The following STXBP5L variants were observed in gnomAD, a reference collection of about 807,000 sequenced individuals.
STXBP5L encodes the protein syntaxin binding protein 5L, also known as syntaxin-binding protein 5-like.
Under a neutral mutation model 144.5 loss-of-function variants are expected in STXBP5L, and 65 were observed. The ratio of observed to expected loss-of-function variants is 0.45; its 90% CI spans 0.37 to 0.55. The LOEUF (loss-of-function observed/expected upper bound fraction) is 0.55, where lower values mean the gene tolerates loss of function less well. STXBP5L is among the 20% of genes least tolerant of loss of function. The pLI is 0.00. For synonymous variants in STXBP5L, 505 were observed against 469.6 expected (o/e 1.08, Z -0.97); for missense variants, 1,298 against 1,405.5 (o/e 0.92, Z 1.22).
At chr3:121,397,253 G>T (rs1046653828) in intron 22 of STXBP5L, among the ~76,000 whole-genome samples, 1 of 152,168 alleles carries the variant, frequency 6.6e-6, no homozygotes, top group African/African-American at 2.4e-5. Context: ...CAATTTTTAG[G>T]AATTATAGCA....
chr3:120,952,693 T>G (rs1248732938), intron 2 of STXBP5L, among the ~76,000 whole-genome samples: 1 of 152,156 alleles, frequency 6.6e-6, no homozygotes, highest in African/African-American at 2.4e-5. Context: ...AATGTCATTT[T>G]TCTTCTTTTG....
At chr3:121,303,964 C>G (rs2043239931) in intron 19 of STXBP5L, among the ~76,000 whole-genome samples, 1 of 151,246 alleles carries the variant, frequency 6.6e-6, no homozygotes, top group Non-Finnish European at 1.5e-5. Context: ...ACAAACATGG[C>G]ACATGTATAC....
chr3:121,085,410 A>G (rs1010859000), intron 5 of STXBP5L, among the ~76,000 whole-genome samples: 5 of 152,140 alleles, frequency 3.3e-5, no homozygotes, highest in Non-Finnish European at 5.9e-5. Flanking sequence ...ATGATCCTAT[A>G]TCTAGAAAAC....
chr3:121,000,020 T>C (rs1350497777), intron 3 of STXBP5L, among the ~76,000 whole-genome samples: 1 of 152,152 alleles, frequency 6.6e-6, no homozygotes, highest in Non-Finnish European at 1.5e-5. Context: ...GACCTCCCCT[T>C]CTCTCTAGCT....
At chr3:121,333,181 A>AG (rs762848134) in intron 20 of STXBP5L, among the ~76,000 whole-genome samples, 3 of 152,190 alleles carry the variant, frequency 2.0e-5, no homozygotes, top group Non-Finnish European at 2.9e-5. Flanking sequence ...CATGGAGAAA[A>AG]TAAAGCATCT....
At chr3:121,376,395 G>C (rs1026692276) in intron 20 of STXBP5L, among the ~76,000 whole-genome samples, 1 of 152,136 alleles carries the variant, frequency 6.6e-6, no homozygotes, top group Non-Finnish European at 1.5e-5. Context: ...AATCCATCTG[G>C]AGTTAATTTT....
At chr3:121,164,254 A>G (rs921592574) in intron 9 of STXBP5L, among the ~76,000 whole-genome samples, 5 of 152,224 alleles carry the variant, frequency 3.3e-5, no homozygotes, top group East Asian at 1.9e-4. Flanking sequence ...AAGGTGCTCA[A>G]CATCATTTAT....
intron 3 of STXBP5L, among the ~76,000 whole-genome samples, chr3:121,039,962 A>AC (rs1237120673): frequency 1.3e-5 from 2 of 149,738 alleles, no homozygotes; most frequent in Non-Finnish European, 3.0e-5. Context: ...ATAGGTAGAT[A>AC]GATGGATGGA....
chr3:121,306,786 G>A (rs547882544), intron 19 of STXBP5L, among the ~76,000 whole-genome samples: 22 of 152,272 alleles, frequency 1.4e-4, no homozygotes, highest in African/African-American at 5.3e-4. Flanking sequence ...AAACCTCAAA[G>A]ACTAGCCTGA....
At chr3:120,975,578 A>T (rs944569743) in intron 3 of STXBP5L, among the ~76,000 whole-genome samples, 2 of 152,078 alleles carry the variant, frequency 1.3e-5, no homozygotes, top group Admixed American at 1.3e-4. Context: ...TTCCAACGCT[A>T]TGTTGAATAG....
intron 3 of STXBP5L, among the ~76,000 whole-genome samples, chr3:121,021,831 C>G (rs1342506989): frequency 6.6e-6 from 1 of 152,046 alleles, no homozygotes; most frequent in Admixed American, 6.6e-5. Flanking sequence ...CACAAATAGA[C>G]AATCTAAGGT....
chr3:121,195,759 A>G (rs566788852), intron 9 of STXBP5L, among the ~76,000 whole-genome samples: 11 of 152,320 alleles, frequency 7.2e-5, no homozygotes, highest in Admixed American at 3.3e-4. Flanking sequence ...GTTCCCATCA[A>G]CAATACCTGC....
chr3:120,999,144 C>T (rs1454583618), intron 3 of STXBP5L, among the ~76,000 whole-genome samples: 1 of 152,094 alleles, frequency 6.6e-6, no homozygotes, highest in Non-Finnish European at 1.5e-5. Context: ...CCTCTTCCTC[C>T]CGGGTTCAAG....
intron 7 of STXBP5L, among the ~76,000 whole-genome samples, chr3:121,124,382 A>G (rs2044609593): frequency 6.6e-6 from 1 of 152,020 alleles, no homozygotes; most frequent in African/African-American, 2.4e-5. Flanking sequence ...ATTCGAGTGT[A>G]TAACTTATAG....
intron 20 of STXBP5L, among the ~76,000 whole-genome samples, chr3:121,324,892 C>A: frequency 6.6e-6 from 1 of 151,868 alleles, no homozygotes; most frequent in East Asian, 1.9e-4. Flanking sequence ...AAGGGGGTCG[C>A]GGGTACGGTC....
At chr3:121,203,772 A>G (rs2048229149) in intron 9 of STXBP5L, among the ~76,000 whole-genome samples, 1 of 152,246 alleles carries the variant, frequency 6.6e-6, no homozygotes, top group African/African-American at 2.4e-5. Context: ...AACTGCAAAT[A>G]TACTGTTTTG....
intron 16 of STXBP5L, 22 bp from the exon 17 acceptor site, chr3:121,257,139 A>G: frequency 6.4e-7 from 1 of 1,554,938 alleles, no homozygotes; most frequent in South Asian, 1.2e-5. Context: ...CTTAAATTAA[A>G]TTTAAACTTG....
chr3:121,171,989 G>A (rs751580340), intron 9 of STXBP5L, among the ~76,000 whole-genome samples: 1 of 152,150 alleles, frequency 6.6e-6, no homozygotes, highest in Non-Finnish European at 1.5e-5. Context: ...GCATGGTAGT[G>A]GTACCAAAAC....
At chr3:121,093,571 T>C (rs1439612296) in intron 5 of STXBP5L, among the ~76,000 whole-genome samples, 2 of 152,264 alleles carry the variant, frequency 1.3e-5, no homozygotes, top group Non-Finnish European at 2.9e-5. Context: ...GAGCTGTTTG[T>C]AGTATTCGCT....
Sources: allele counts gnomAD v4.1 joint callset (sites outside exome capture counted in the v4.1 genomes callset), GRCh38; gene constraint gnomAD v4.1.1; transcripts MANE v1.5; gene names NCBI Gene and HGNC (gene_info 2026-07-23, HGNC 2026-07-21).